Variants in PCDH15 observed in about 807,000 individuals in gnomAD.
PCDH15 encodes protocadherin related 15.
In PCDH15, 129 loss-of-function variants were observed where a neutral mutation model predicts 178.5. That is an observed-to-expected ratio of 0.72 (90% CI 0.63 to 0.84). PCDH15 has a LOEUF of 0.84. Among genes scored for constraint, PCDH15 ranks in the 40% least tolerant of loss-of-function variants. The pLI is 0.00. For synonymous variants in PCDH15, 800 were observed against 732.0 expected, an observed-to-expected ratio of 1.09 and a Z score of -1.50; for missense variants, 2,230 against 2,099.9, an observed-to-expected ratio of 1.06 and a Z score of -1.21.
intron 1 of PCDH15, among the ~76,000 whole-genome samples, chr10:54,776,869 C>T (rs1949761614): frequency 1.3e-5 from 2 of 151,912 alleles, no homozygotes; most frequent in Admixed American, 6.6e-5. Flanking sequence ...CAGAAGGAGA[C>T]TGGAGGCAAT....
At chr10:54,655,413 G>T (rs11814846) in intron 2 of PCDH15, 1 of 146,206 alleles carries the variant, frequency 6.8e-6, no homozygotes, top group Non-Finnish European at 1.5e-5. Flanking sequence ...TGGGTAAGGG[G>T]TGTGTGTGTG....
chr10:55,043,028 T>G (rs939013985), intron 2 of PCDH15, among the ~76,000 whole-genome samples: 1 of 152,156 alleles, frequency 6.6e-6, no homozygotes, highest in African/African-American at 2.4e-5. Context: ...AACTCATTCA[T>G]TTTCATGACT....
At chr10:54,783,726 T>C (rs1392652699) in intron 1 of PCDH15, among the ~76,000 whole-genome samples, 2 of 152,102 alleles carry the variant, frequency 1.3e-5, no homozygotes, top group African/African-American at 4.8e-5. Context: ...AAGAGAATTA[T>C]GGATACTGGA....
intron 26 of PCDH15, among the ~76,000 whole-genome samples, chr10:53,898,742 C>T (rs1015930119): frequency 3.3e-5 from 5 of 152,182 alleles, no homozygotes; most frequent in African/African-American, 1.2e-4. Flanking sequence ...CACATATCCA[C>T]GTGCAAACCA....
chr10:55,570,065 G>C (rs369435593), intron 2 of PCDH15, among the ~76,000 whole-genome samples: 2 of 151,958 alleles, frequency 1.3e-5, no homozygotes, highest in East Asian at 3.9e-4. Flanking sequence ...ACATGGGATA[G>C]TAAGAAGAGC....
At chr10:54,368,469 T>C (rs767885986) in intron 5 of PCDH15, among the ~76,000 whole-genome samples, 354 of 152,080 alleles carry the variant, frequency 2.3e-3, no homozygotes, top group Non-Finnish European at 3.0e-3. Flanking sequence ...TAACTAAAAA[T>C]AATTAATACA....
intron 15 of PCDH15, among the ~76,000 whole-genome samples, chr10:54,131,959 TTA>T (rs1379934806): frequency 6.6e-6 from 1 of 152,194 alleles, no homozygotes; most frequent in Non-Finnish European, 1.5e-5. Context: ...TAGCTGTGCC[TTA>T]TGTCACGTCA....
At chr10:54,939,612 T>A (rs1019099150) in intron 2 of PCDH15, among the ~76,000 whole-genome samples, 1 of 151,934 alleles carries the variant, frequency 6.6e-6, no homozygotes, top group Admixed American at 6.6e-5. Flanking sequence ...TAAAGTCCCT[T>A]CTTTTATTAT....
chr10:55,069,544 T>G (rs112411270), intron 2 of PCDH15, among the ~76,000 whole-genome samples: 8,315 of 140,502 alleles, frequency 0.059, 313 homozygotes, highest in African/African-American at 0.095. Flanking sequence ...TTTTTGTTCT[T>G]GCGATAGTTT....
At chr10:54,519,139 T>C (rs1478364626) in intron 3 of PCDH15, among the ~76,000 whole-genome samples, 1 of 152,148 alleles carries the variant, frequency 6.6e-6, no homozygotes, top group African/African-American at 2.4e-5. Context: ...GCATTCCCTT[T>C]GAAAACTGGC....
At chr10:54,740,413 T>C (rs1187468173) in intron 1 of PCDH15, among the ~76,000 whole-genome samples, 1 of 151,704 alleles carries the variant, frequency 6.6e-6, no homozygotes, top group South Asian at 2.1e-4. Context: ...GTGACCCTCC[T>C]ACATTCTTGG....
chr10:55,048,353 C>T (rs1841066323), intron 2 of PCDH15, among the ~76,000 whole-genome samples: 1 of 151,800 alleles, frequency 6.6e-6, no homozygotes, highest in Non-Finnish European at 1.5e-5. Context: ...ATGCATTAAA[C>T]TTTCAACCTG....
intron 15 of PCDH15, among the ~76,000 whole-genome samples, chr10:54,131,471 C>T (rs2042431102): frequency 6.6e-6 from 1 of 151,954 alleles, no homozygotes; most frequent in Non-Finnish European, 1.5e-5. Flanking sequence ...CATTACAATA[C>T]TTTGACTTTT....
At chr10:55,253,249 CGT>C (rs59957458) in intron 1 of PCDH15, among the ~76,000 whole-genome samples, 78,180 of 148,770 alleles carry the variant, frequency 0.53, 20,530 homozygotes, top group South Asian at 0.6. Context: ...TGTGTGTGTG[CGT>C]GTGTGTGTGT....
intron 3 of PCDH15, among the ~76,000 whole-genome samples, chr10:54,421,872 ATATATATATATACACACACACAC>A: frequency 1.9e-5 from 1 of 52,270 alleles, no homozygotes; most frequent in African/African-American, 1.2e-4. Flanking sequence ...TACACACACT[ATATATATATATACACACACACAC>A]TATATATATA....
At chr10:55,134,162 G>C (rs1838130514) in intron 2 of PCDH15, among the ~76,000 whole-genome samples, 3 of 152,008 alleles carry the variant, frequency 2.0e-5, no homozygotes, top group Non-Finnish European at 2.9e-5. Flanking sequence ...TGCTCTGCCT[G>C]ACATTTACAG....
At chr10:55,309,457 C>A (rs557288380) in intron 1 of PCDH15, among the ~76,000 whole-genome samples, 15 of 151,466 alleles carry the variant, frequency 9.9e-5, no homozygotes, top group African/African-American at 1.9e-4. Context: ...GTCGAGGCTG[C>A]AGCGAGCTAT....
At chr10:54,102,587 C>A (rs149259751) in intron 15 of PCDH15, among the ~76,000 whole-genome samples, 154 of 152,288 alleles carry the variant, frequency 1.0e-3, no homozygotes, top group African/African-American at 3.4e-3. Flanking sequence ...TTCATAGTGG[C>A]ATTAATCTCT....
At chr10:54,936,422 G>T (rs1837909049) in intron 2 of PCDH15, among the ~76,000 whole-genome samples, 1 of 151,868 alleles carries the variant, frequency 6.6e-6, no homozygotes, top group Non-Finnish European at 1.5e-5. Context: ...TGTCATAAGG[G>T]CAAGTTTGTT....
Sources: allele counts gnomAD v4.1 joint callset (sites outside exome capture counted in the v4.1 genomes callset), GRCh38; gene constraint gnomAD v4.1.1; transcripts MANE v1.5; gene names NCBI Gene and HGNC (gene_info 2026-07-23, HGNC 2026-07-21).